Variants in GABRA1 observed in about 807,000 individuals in gnomAD.
GABRA1 encodes the protein gamma-aminobutyric acid type A receptor subunit alpha1.
A neutral mutation model predicts 48.9 loss-of-function variants in GABRA1; 9 were observed. The observed-to-expected ratio is 0.18, with a 90% CI of 0.11 to 0.32. GABRA1 has a LOEUF of 0.32. Among genes scored for constraint, GABRA1 ranks in the 10% least tolerant of loss-of-function variants. The pLI, the probability that GABRA1 is intolerant of heterozygous loss-of-function variation, is 1.00. For synonymous variants in GABRA1, 210 were observed against 198.7 expected (o/e 1.06, Z -0.48); for missense variants, 285 against 553.8 (o/e 0.51, Z 4.87).
intron 3 of GABRA1, 129 bp from the exon 4 acceptor site, chr5:161,865,592 A>C: frequency 1.3e-6 from 1 of 798,502 alleles, no homozygotes; most frequent in South Asian, 1.4e-5. Context: ...TCAGGACTAC[A>C]CAGTGGACCA....
At position 161,861,236 on chromosome 5, in the gene GABRA1, A is replaced by C. The variant is rs142193781; in HGVS notation, c.188-4485A>C. On this transcript the variant is annotated intron_variant, in intron 3 of 9. Coordinates refer to ENST00000393943, the MANE Select transcript of GABRA1 (RefSeq NM_001127644.2). ...AAGACTTATACTGATTACTCACTGC[A>C]TGCTTGTATCCAAACATCTCAGGTA... 5.9e-5 allele frequency among the ~76,000 whole-genome samples: 9 copies of C among 151,978 alleles called. No homozygotes were observed. The East Asian group carries it at 1.7e-3, about 29-fold the overall frequency.
rs575673589 is a variant in GABRA1, at chr5:161,858,761, A to G, written c.187+4491A>G. Among the ~76,000 whole-genome samples the G allele has an allele frequency of 1.3e-3, 204 of 151,894 alleles. 1 individual carries two copies. The highest frequency in any genetic ancestry group is 2.5e-3 in the Non-Finnish European group (167 of 67,772). On this transcript the variant is annotated intron_variant, in intron 3 of 9. Transcript: ENST00000393943. ...TCTTGAGTCACATTTTGAATTTCCG[A>G]AGAAAGACCTTTTCATCCTCTCTCT...
At chr5:161,892,243 T>A (rs1408784107) in intron 8 of GABRA1, among the ~76,000 whole-genome samples, 1 of 152,222 alleles carries the variant, frequency 6.6e-6, no homozygotes, top group Non-Finnish European at 1.5e-5. Context: ...ACTAGGCACC[T>A]GCTGTTTTTA....
chr5:161,875,982 T>C (rs1754333802), intron 6 of GABRA1, among the ~76,000 whole-genome samples: 2 of 152,204 alleles, frequency 1.3e-5, no homozygotes, highest in Non-Finnish European at 2.9e-5. Context: ...TCATTGTGTC[T>C]ATTTTATATC....
At chr5:161,851,210 T>C (rs1757434519) in intron 2 of GABRA1, among the ~76,000 whole-genome samples, 1 of 152,298 alleles carries the variant, frequency 6.6e-6, no homozygotes, top group East Asian at 1.9e-4. Context: ...CAATTAGTGG[T>C]TGCATACTGT....
chr5:161,870,758 T>C (rs1267081482), intron 4 of GABRA1, among the ~76,000 whole-genome samples: 4 of 152,182 alleles, frequency 2.6e-5, no homozygotes, highest in African/African-American at 9.7e-5. Flanking sequence ...CTTATAGGAC[T>C]AGCTTCTGGG....
At chr5:161,861,534 C>G (rs1757860170) in intron 3 of GABRA1, among the ~76,000 whole-genome samples, 1 of 151,788 alleles carries the variant, frequency 6.6e-6, no homozygotes, top group African/African-American at 2.4e-5. Flanking sequence ...TCCCAAAACA[C>G]TGAAGAATCA....
rs1353470162 is a variant in GABRA1 at position 161,895,712 on chromosome 5, A to G, written c.903A>G (p.Arg301=). 6.2e-7 allele frequency: 1 copy of G among 1,613,872 alleles called. No individual in the cohort carries two copies. Among genetic ancestry groups the G allele is most frequent in the Non-Finnish European group, 8.5e-7 (1 of 1,179,980 alleles). ...LTMTTLSISA[R]NSLPKVAYAT... is the part of the protein sequence containing the mutation. The stretch of plus-strand genomic sequence containing the variant: ...TGACAACATTGAGCATCAGTGCCAG[A>G]AACTCCCTCCCTAAGGTGGCTTATG... Residue 301 remains arginine, a synonymous_variant, in exon 9 of 10, where the codon AGA becomes AGG. Transcript: ENST00000393943.
chr5:161,897,005 T>C (rs888196048), intron 9 of GABRA1, 106 bp from the exon 10 acceptor site: 2 of 940,060 alleles, frequency 2.1e-6, no homozygotes, highest in African/African-American at 3.3e-5. Context: ...AATTCCTAAA[T>C]AAGGCACAGA....
rs1463015106 is a variant in GABRA1, at chr5:161,854,186, C to A, written c.103C>A (p.Leu35Ile). The change falls in exon 3 of 10, where the codon CTT becomes ATT. Residue 35 changes from leucine (L) to isoleucine (I), a missense_variant. Around this residue, in one of 6 missense-constraint regions of GABRA1, gnomAD observed 45 missense variants for 39.9 expected, o/e 1.13. Coordinates refer to ENST00000393943, the MANE Select transcript of GABRA1 (RefSeq NM_001127644.2). ...SYGQPSLQDE[L>I]KDNTTVFTRI... Reference sequence around the variant, plus strand: ...TGGACAGCCGTCATTACAAGATGAACTTAAAGACAATACCACTGTCTTCAC... The same window carrying A: ...TGGACAGCCGTCATTACAAGATGAAATTAAAGACAATACCACTGTCTTCAC... The A allele has an allele frequency of 4.4e-6, 7 of 1,606,046 alleles. No individual in the cohort carries two copies. Among genetic ancestry groups the A allele is most frequent in the Non-Finnish European group, 6.0e-6 (7 of 1,173,434 alleles).
At chr5:161,895,088 T>C (rs560489997) in intron 8 of GABRA1, among the ~76,000 whole-genome samples, 1 of 152,070 alleles carries the variant, frequency 6.6e-6, no homozygotes, top group African/African-American at 2.4e-5. Flanking sequence ...TTTCTATCTA[T>C]ATATGTCAGA....
intron 6 of GABRA1, chr5:161,881,697 T>C: frequency 6.6e-6 from 1 of 152,070 alleles, no homozygotes; most frequent in Admixed American, 6.6e-5. Context: ...CTACTGCCTC[T>C]AACCTCATTT....
At chr5:161,866,268 A>G (rs1753844687) in intron 4 of GABRA1, among the ~76,000 whole-genome samples, 1 of 152,144 alleles carries the variant, frequency 6.6e-6, no homozygotes, top group East Asian at 1.9e-4. Flanking sequence ...ACACACCACC[A>G]GGAAACATTC....
intron 5 of GABRA1, among the ~76,000 whole-genome samples, chr5:161,874,868 C>G (rs1754276399): frequency 6.6e-6 from 1 of 151,942 alleles, no homozygotes; most frequent in African/African-American, 2.4e-5. Context: ...CAGTGAACTT[C>G]TTTCTTAGCA....
chr5:161,870,020 A>G (rs1416140230), intron 4 of GABRA1, among the ~76,000 whole-genome samples: 1 of 152,220 alleles, frequency 6.6e-6, no homozygotes, highest in Non-Finnish European at 1.5e-5. Flanking sequence ...TGGGAGACAG[A>G]TAATAATTTC....
chr5:161,878,921 A>G (rs1754486159), intron 6 of GABRA1, among the ~76,000 whole-genome samples: 2 of 152,166 alleles, frequency 1.3e-5, no homozygotes, highest in Admixed American at 1.3e-4. Flanking sequence ...ATGAATTCTG[A>G]ACAATGTACG....
chr5:161,867,864 A>G (rs1037066884), intron 4 of GABRA1, among the ~76,000 whole-genome samples: 5 of 152,102 alleles, frequency 3.3e-5, no homozygotes, highest in African/African-American at 9.7e-5. Context: ...TCGGCCACAT[A>G]TATAGCACTG....
At position 161,887,873 on chromosome 5, in the gene GABRA1, C is replaced by G. The variant is rs368040258; in HGVS notation, c.704-3025C>G. On this transcript the variant is annotated intron_variant, in intron 7 of 9. Transcript: ENST00000393943. Reference sequence around the variant, plus strand: ...TTTATCCTCACATCCTCCTAGGAGACAGTTAAATTAAAAACTATTATATTA... The same window carrying G: ...TTTATCCTCACATCCTCCTAGGAGAGAGTTAAATTAAAAACTATTATATTA... 3.9e-5 allele frequency among the ~76,000 whole-genome samples: 6 copies of G among 152,188 alleles called. No individual in the cohort carries two copies. The South Asian group carries it at 1.2e-3, about 32-fold the overall frequency.
chr5:161,862,723 T>C (rs1260584045), intron 3 of GABRA1, among the ~76,000 whole-genome samples: 1 of 151,948 alleles, frequency 6.6e-6, no homozygotes, highest in Non-Finnish European at 1.5e-5. Flanking sequence ...ACATAGAAAA[T>C]GTTTAATAAA....
Sources: allele counts gnomAD v4.1 joint callset (sites outside exome capture counted in the v4.1 genomes callset), GRCh38; gene constraint gnomAD v4.1.1; regional missense constraint gnomAD v4.1.1; transcripts MANE v1.5; gene names NCBI Gene and HGNC (gene_info 2026-07-23, HGNC 2026-07-21).